The following PTPRM variants were observed in gnomAD, a reference collection of about 807,000 sequenced individuals.
PTPRM encodes the protein receptor-type tyrosine-protein phosphatase mu.
A neutral mutation model predicts 186.7 loss-of-function variants in PTPRM; 47 were observed. The observed-to-expected ratio is 0.25, with a 90% CI of 0.20 to 0.32. The LOEUF is 0.32. Among genes scored for constraint, PTPRM ranks in the 10% least tolerant of loss-of-function variants. The pLI, the probability that PTPRM is intolerant of heterozygous loss-of-function variation, is 1.00. For synonymous variants in PTPRM, 668 were observed against 674.9 expected (o/e 0.99, Z 0.16); for missense variants, 1,494 against 1,865.0 (o/e 0.80, Z 3.66).
chr18:8,350,904 G>C lies in PTPRM; in HGVS notation c.3054+7384G>C, dbSNP rs546245198. Among the ~76,000 whole-genome samples the C allele has an allele frequency of 1.8e-3, 258 of 141,044 alleles. 9 individuals carry two copies. In the South Asian group the frequency reaches 0.061, roughly 33 times the overall value. The allele number at this position is 141,044 out of a possible 152,430, so 92.5% of individuals were successfully genotyped here. On this transcript the variant is annotated intron_variant, in intron 23 of 32. Coordinates refer to ENST00000580170, the MANE Select transcript of PTPRM (RefSeq NM_001105244.2). ...GAGCTCTCCAGGAAAACCCCTGCCA[G>C]TTTGGAATGCTCTAGGTCTACACAG...
chr18:7,937,382 G>A (rs1370744279), intron 5 of PTPRM, among the ~76,000 whole-genome samples: 2 of 152,166 alleles, frequency 1.3e-5, no homozygotes, highest in Non-Finnish European at 2.9e-5. Flanking sequence ...CTGCTTGCAG[G>A]GAGCTGGTGC....
In PTPRM at chr18:8,078,997, A is replaced by C. The variant is rs146145399; in HGVS notation, c.1551+2433A>C. Reference sequence around the variant, plus strand: ...TTTGAAGGGGACAAACATCCAGACCATATCAGTGCTGGAAATGAATATGCT... The same window carrying C: ...TTTGAAGGGGACAAACATCCAGACCCTATCAGTGCTGGAAATGAATATGCT... On this transcript the variant is annotated intron_variant, in intron 9 of 32. Transcript: ENST00000580170. 1.2e-4 allele frequency among the ~76,000 whole-genome samples: 18 copies of C among 152,336 alleles called. No individual in the cohort carries two copies. The East Asian group carries it at 2.9e-3, about 24-fold the overall frequency.
intron 2 of PTPRM, among the ~76,000 whole-genome samples, chr18:7,879,682 G>T (rs1369518388): frequency 6.6e-6 from 1 of 152,132 alleles, no homozygotes. Context: ...TTAAAGCAAA[G>T]GTTATAAGCA....
intron 2 of PTPRM, among the ~76,000 whole-genome samples, chr18:7,847,312 A>G (rs1452258906): frequency 6.6e-6 from 1 of 151,738 alleles, no homozygotes; most frequent in Non-Finnish European, 1.5e-5. Flanking sequence ...GACTACAGGC[A>G]TGTGCCACCA....
chr18:8,296,870 G>C (rs189702075), intron 20 of PTPRM, among the ~76,000 whole-genome samples: 1 of 152,254 alleles, frequency 6.6e-6, no homozygotes, highest in Non-Finnish European at 1.5e-5. Context: ...ACTGGGTTAG[G>C]TAGGTCAGTA....
intron 1 of PTPRM, among the ~76,000 whole-genome samples, chr18:7,737,852 C>T (rs1233029300): frequency 1.3e-5 from 2 of 152,202 alleles, no homozygotes; most frequent in African/African-American, 2.4e-5. Flanking sequence ...TCTCCCCAGG[C>T]TGTGGCTGTT....
At chr18:8,310,902 T>C (rs2095263211) in intron 20 of PTPRM, among the ~76,000 whole-genome samples, 1 of 152,214 alleles carries the variant, frequency 6.6e-6, no homozygotes, top group Non-Finnish European at 1.5e-5. Flanking sequence ...AGTTGAATAC[T>C]GAAAAATTGG....
At chr18:8,118,811 A>AATATATATATATAT (rs1555749529) in intron 13 of PTPRM, among the ~76,000 whole-genome samples, 1 of 128,394 alleles carries the variant, frequency 7.8e-6, no homozygotes, top group African/African-American at 2.9e-5. Flanking sequence ...AAAAAAAAAA[A>AATATATATATATAT]ATATATATAT....
chr18:8,280,431 G>T (rs2147733602), intron 19 of PTPRM, among the ~76,000 whole-genome samples: 2 of 151,250 alleles, frequency 1.3e-5, no homozygotes, highest in South Asian at 4.2e-4. Context: ...TCACAATTCA[G>T]CCTGTGACAC....
intron 2 of PTPRM, among the ~76,000 whole-genome samples, chr18:7,844,669 G>C (rs771700232): frequency 5.3e-5 from 8 of 152,262 alleles, no homozygotes; most frequent in Middle Eastern, 3.4e-3. Flanking sequence ...CATAATTCTT[G>C]ACTTCTGTCT....
At chr18:7,805,981 C>A (rs1252446628) in intron 2 of PTPRM, among the ~76,000 whole-genome samples, 1 of 152,170 alleles carries the variant, frequency 6.6e-6, no homozygotes, top group African/African-American at 2.4e-5. Context: ...GAGGCCACAG[C>A]ATTGAATGGC....
chr18:8,228,615 G>T (rs1449382706), intron 14 of PTPRM, among the ~76,000 whole-genome samples: 2 of 151,642 alleles, frequency 1.3e-5, no homozygotes, highest in African/African-American at 4.9e-5. Context: ...GGCGAGGCAG[G>T]TGGATCACGA....
Position 7,730,111 on chromosome 18 carries a change from A to G in PTPRM, c.74-44038A>G, listed in dbSNP as rs144690423. On this transcript the variant is annotated intron_variant, in intron 1 of 32. Coordinates refer to ENST00000580170, the MANE Select transcript of PTPRM (RefSeq NM_001105244.2). ...AATAAAACCAGTTTTACAAGGGCCA[A>G]AATGGACCCTTGTAAATGAAAGTGG... Among the ~76,000 whole-genome samples, 162 of 152,292 alleles carry G rather than the reference A, an allele frequency of 1.1e-3. 1 individual carries two copies. In the East Asian group the frequency reaches 0.027, roughly 25 times the overall value.
At chr18:8,336,383 A>G (rs1183781495) in intron 22 of PTPRM, among the ~76,000 whole-genome samples, 1 of 152,044 alleles carries the variant, frequency 6.6e-6, no homozygotes, top group Non-Finnish European at 1.5e-5. Flanking sequence ...ACATAGTGAG[A>G]CCCTATCTCT....
intron 19 of PTPRM, among the ~76,000 whole-genome samples, chr18:8,259,614 T>C (rs2094607354): frequency 6.6e-6 from 1 of 152,124 alleles, no homozygotes; most frequent in Non-Finnish European, 1.5e-5. Flanking sequence ...AAGAAAAAAT[T>C]ATTATTAAAA....
chr18:7,717,781 C>A (rs1323718719), intron 1 of PTPRM, among the ~76,000 whole-genome samples: 1 of 152,224 alleles, frequency 6.6e-6, no homozygotes, highest in Admixed American at 6.5e-5. Flanking sequence ...AAGCATCTAG[C>A]TGGTTCCAGC....
intron 14 of PTPRM, among the ~76,000 whole-genome samples, chr18:8,240,499 G>GAGGGAGGA (rs2094405895): frequency 7.4e-5 from 1 of 13,550 alleles, no homozygotes. Flanking sequence ...GAGAGAGAGA[G>GAGGGAGGA]AGGAAGGAAG....
rs1409191809 is a variant in PTPRM, at chr18:8,335,358, C to T, written c.2957-8065C>T. On this transcript the variant is annotated intron_variant, in intron 22 of 32. Coordinates refer to ENST00000580170, the MANE Select transcript of PTPRM (RefSeq NM_001105244.2). The stretch of plus-strand genomic sequence containing the variant: ...CCAGTCAGACCTAAGCTCTTCCTGA[C>T]TTTGACTGCCACAGGCATCCTCATA... Among the ~76,000 whole-genome samples the T allele has an allele frequency of 7.2e-5, 11 of 152,224 alleles. 1 individual carries two copies. In the East Asian group the frequency reaches 2.1e-3, roughly 30 times the overall value.
At position 7,888,348 on chromosome 18, in the gene PTPRM, A is replaced by G; in HGVS notation, c.439A>G (p.Ile147Val). ...TACATGGAACAGGGCAGAACTGGCC[A>G]TTAGTACTTTCTGGCCTAACTTTTA... ...TRTWNRAELA[I>V]STFWPNFYQV... The change falls in exon 3 of 33, where the codon ATT becomes GTT. Residue 147 changes from isoleucine to valine, a missense_variant. Physicochemically the swap from Ile to Val is conservative, Grantham distance 29 (BLOSUM62 3). Transcript: ENST00000580170. 1 of 1,612,350 alleles carries G rather than the reference A, an allele frequency of 6.2e-7. No individual in the cohort carries two copies. The highest frequency in any genetic ancestry group is 8.5e-7 in the Non-Finnish European group (1 of 1,179,134).
Sources: gnomAD v4.1 joint callset for allele counts (sites outside exome capture counted in the v4.1 genomes callset) on GRCh38, gnomAD v4.1.1 for gene constraint, MANE v1.5 for transcripts, NCBI Gene and HGNC (gene_info 2026-07-23, HGNC 2026-07-21) for gene names.